CPEB4: variants seen among roughly 807,000 people sequenced by gnomAD.
CPEB4 encodes the protein cytoplasmic polyadenylation element binding protein 4.
CPEB4 carries 12 observed loss-of-function variants against 72.5 expected under a neutral mutation model. The observed-to-expected ratio is 0.17, with a 90% CI of 0.11 to 0.27. The LOEUF is 0.27. Among genes scored for constraint, CPEB4 ranks in the 10% least tolerant of loss-of-function variants. The probability of loss-of-function intolerance (pLI) is 1.00; values close to 1 mark genes in which losing one functional copy is unlikely to be tolerated. For synonymous variants in CPEB4, 302 were observed against 326.3 expected (o/e 0.93, Z 0.80); for missense variants, 614 against 908.5 (o/e 0.68, Z 4.17).
intron 1 of CPEB4, 41 bp from the exon 2 acceptor site, chr5:173,910,482 T>C (rs756069447): frequency 1.5e-6 from 2 of 1,346,022 alleles, no homozygotes; most frequent in African/African-American, 1.4e-5. Context: ...TATATTTAAA[T>C]GCTATTTTAA....
chr5:173,921,887 G>T (rs909152018), intron 2 of CPEB4, among the ~76,000 whole-genome samples: 1 of 152,208 alleles, frequency 6.6e-6, no homozygotes, highest in Non-Finnish European at 1.5e-5. Flanking sequence ...AAGTGAAAGG[G>T]TGCTTACCTC....
chr5:173,889,966 A>T lies in CPEB4; in HGVS notation c.233A>T (p.Glu78Val), dbSNP rs760969236. Residue 78 changes from glutamate to valine, a missense_variant, in exon 1 of 10, where the codon GAA becomes GTA. By Grantham distance (121) the Glu-to-Val change is moderately radical. Around this residue, in one of 5 missense-constraint regions of CPEB4, gnomAD observed 458 missense variants for 548.6 expected, o/e 0.83. Coordinates refer to ENST00000265085, the MANE Select transcript of CPEB4 (RefSeq NM_030627.4). ...HNIQDEILGS[E>V]KAKSQQQEQQ... The stretch of plus-strand genomic sequence containing the variant: ...ATTCAGGATGAGATCTTGGGGTCAG[A>T]AAAAGCAAAAAGTCAGCAACAGGAA... 4.3e-6 allele frequency: 7 copies of T among 1,614,210 alleles called. No individual in the cohort carries two copies. The highest frequency in any genetic ancestry group is 4.2e-6 in the Non-Finnish European group (5 of 1,180,028).
At chr5:173,938,569 A>AC (rs1008830919) in intron 3 of CPEB4, among the ~76,000 whole-genome samples, 1 of 151,918 alleles carries the variant, frequency 6.6e-6, no homozygotes, top group Non-Finnish European at 1.5e-5. Context: ...TCTGAGCTAC[A>AC]CCCCCCTTTT....
At chr5:173,892,561 C>T (rs56146035) in intron 1 of CPEB4, among the ~76,000 whole-genome samples, 1 of 152,106 alleles carries the variant, frequency 6.6e-6, no homozygotes, top group African/African-American at 2.4e-5. Flanking sequence ...TAAGATTTGG[C>T]TCAGAACTAA....
chr5:173,908,544 G>A (rs1176232881), intron 1 of CPEB4, among the ~76,000 whole-genome samples: 1 of 152,194 alleles, frequency 6.6e-6, no homozygotes, highest in Non-Finnish European at 1.5e-5. Flanking sequence ...AAACCACTCA[G>A]CGCACATTAC....
rs1285910188 is a variant in CPEB4 at position 173,960,971 on chromosome 5, C to T, written c.*4834C>T. On this transcript the variant is annotated 3_prime_UTR_variant, in exon 10 of 10. Transcript: ENST00000265085. ...CTTTTAACATAAGGATTTATTATAA[C>T]AAAATATAACACTGAGAATATCCTG... 6.6e-6 allele frequency: 1 copy of T among 152,126 alleles called. No individual in the cohort carries two copies. The highest frequency in any genetic ancestry group is 1.9e-4 in the East Asian group (1 of 5,198). The allele number at this position is 152,126 out of a possible 1,614,324, so 9.4% of individuals were successfully genotyped here.
At position 173,890,834 on chromosome 5, in the gene CPEB4, G is replaced by A. The variant is rs369436700; in HGVS notation, c.1101G>A (p.Arg367=). ...CCTGGATGGAAGATAGCTTGAACAG[G>A]GCTGACAACATTTTTCCTTTTCCGG... The part of the protein sequence containing the change: ...PKSWMEDSLN[R]ADNIFPFPDR... The change falls in exon 1 of 10, where the codon AGG becomes AGA. Residue 367 remains arginine, a synonymous_variant. Transcript: ENST00000265085. 1 of 1,611,066 alleles carries A rather than the reference G, an allele frequency of 6.2e-7. No homozygotes were observed. Among genetic ancestry groups the A allele is most frequent in the African/African-American group, 1.3e-5 (1 of 74,736 alleles).
chr5:173,932,364 A>G, intron 2 of CPEB4, 86 bp from the exon 3 acceptor site: 1 of 970,420 alleles, frequency 1.0e-6, no homozygotes, highest in Non-Finnish European at 1.6e-6. Flanking sequence ...CCTATTTGAA[A>G]GCAAGTCAAT....
At chr5:173,938,822 A>G (rs1207723693) in intron 3 of CPEB4, among the ~76,000 whole-genome samples, 1 of 152,250 alleles carries the variant, frequency 6.6e-6, no homozygotes, top group Admixed American at 6.5e-5. Context: ...CATTTTTAAT[A>G]TTAGTACCAA....
chr5:173,897,930 A>G (rs1050387918), intron 1 of CPEB4, among the ~76,000 whole-genome samples: 6 of 152,200 alleles, frequency 3.9e-5, no homozygotes, highest in African/African-American at 1.4e-4. Context: ...GCAAACTTTA[A>G]CTTGGATAGC....
chr5:173,936,791 T>G, intron 3 of CPEB4, among the ~76,000 whole-genome samples: 1 of 151,432 alleles, frequency 6.6e-6, no homozygotes, highest in Non-Finnish European at 1.5e-5. Flanking sequence ...ACCACCTCTG[T>G]ATAAAAATGC....
In CPEB4 at chr5:173,888,621, A is replaced by G; in HGVS notation, c.-1113A>G. 2.5e-6 allele frequency: 1 copy of G among 400,970 alleles called. No homozygotes were observed. The highest frequency in any genetic ancestry group is 3.5e-5 in the East Asian group (1 of 28,220). 24.8% of individuals were successfully genotyped at this position (400,970 alleles called of 1,614,324 possible). ...GTTTAAAAAAAAATTCTGGGGGAAA[A>G]GAGAGAGAAAGCCGAGGGGGGAGGC... On this transcript the variant is annotated 5_prime_UTR_variant, in exon 1 of 10. Transcript: ENST00000265085. The surrounding 1 kb of genome is among the most constrained non-coding windows in gnomAD (Gnocchi z 4.3).
chr5:173,907,044 G>T (rs764350862), intron 1 of CPEB4, among the ~76,000 whole-genome samples: 2 of 152,126 alleles, frequency 1.3e-5, no homozygotes, highest in African/African-American at 2.4e-5. Flanking sequence ...CAAGGTGGGC[G>T]GATCACAAGG....
rs114034962 is a variant in CPEB4 at position 173,912,882 on chromosome 5, C to T, written c.1207+2278C>T. Among the ~76,000 whole-genome samples the T allele has an allele frequency of 9.6e-3, 1,258 of 130,488 alleles. 8 individuals are homozygous for T. The highest frequency in any genetic ancestry group is 0.013 in the Non-Finnish European group (858 of 64,242). 85.6% of individuals were successfully genotyped at this position (130,488 alleles called of 152,430 possible). A position where few individuals can be genotyped will look rare whatever the true frequency, so the allele number is the denominator to read the frequency against. ...ACTTGGGCCCAGAAGGTTGAGGCTG[C>T]AGTGAGCTGTGTTCCTGCTCTTTAA... On this transcript the variant is annotated intron_variant, in intron 2 of 9. Coordinates refer to ENST00000265085, the MANE Select transcript of CPEB4 (RefSeq NM_030627.4).
Position 173,890,689 on chromosome 5 carries a change from G to A in CPEB4, c.956G>A (p.Arg319Lys), listed in dbSNP as rs1349836597. 6.2e-7 allele frequency: 1 copy of A among 1,614,080 alleles called. No individual in the cohort carries two copies. Among genetic ancestry groups the A allele is most frequent in the African/African-American group, 1.3e-5 (1 of 74,928 alleles). The change falls in exon 1 of 10, where the codon AGA (arginine) becomes AAA (lysine). Residue 319 changes from arginine to lysine, a missense_variant. Physicochemically the swap from Arg to Lys is conservative, Grantham distance 26. This residue lies in a region of CPEB4 where 458 missense variants were observed against 548.6 expected (regional missense o/e 0.83). Transcript: ENST00000265085. ...WGGSQGRDHR[R>K]GLNGGITPLN... ...GGTTCCCAAGGCCGAGATCACCGCA[G>A]AGGGCTGAATGGTGGAATAACGCCC...
At chr5:173,910,950 T>G in intron 2 of CPEB4, 1 of 189,586 alleles carries the variant, frequency 5.3e-6, no homozygotes, top group Non-Finnish European at 1.1e-5. Context: ...CTTATGACAG[T>G]GATTATGTCC....
At chr5:173,896,616 G>A (rs1233926206) in intron 1 of CPEB4, among the ~76,000 whole-genome samples, 3 of 152,180 alleles carry the variant, frequency 2.0e-5, no homozygotes, top group Admixed American at 1.3e-4. Flanking sequence ...GTTTGACTCT[G>A]AATTTGAATG....
In CPEB4 at chr5:173,900,627, T is replaced by C. The variant is rs1458862374; in HGVS notation, c.1125+9769T>C. Among the ~76,000 whole-genome samples, 1 of 152,192 alleles carries C rather than the reference T, an allele frequency of 6.6e-6. No individual in the cohort carries two copies. The highest frequency in any genetic ancestry group is 1.5e-5 in the Non-Finnish European group (1 of 68,032). On this transcript the variant is annotated intron_variant, in intron 1 of 9. Coordinates refer to ENST00000265085, the MANE Select transcript of CPEB4 (RefSeq NM_030627.4). The surrounding 1 kb of genome is among the most constrained non-coding windows in gnomAD (Gnocchi z 4.4). ...TAGGGAGAAGTCTTATACTGATAGT[T>C]TTGGGGTCATAGGTTTGAACATATT...
At chr5:173,907,874 A>G (rs141072042) in intron 1 of CPEB4, among the ~76,000 whole-genome samples, 192 of 152,338 alleles carry the variant, frequency 1.3e-3, no homozygotes, top group Middle Eastern at 3.4e-3. Flanking sequence ...TTGGCGCACC[A>G]TCACCCTGTT....
Sources: gnomAD v4.1 joint callset for allele counts (sites outside exome capture counted in the v4.1 genomes callset) on GRCh38, gnomAD v4.1.1 for gene constraint, gnomAD v4.1.1 regional missense constraint, Gnocchi (gnomAD v3.1) non-coding constraint, MANE v1.5 for transcripts, NCBI Gene and HGNC (gene_info 2026-07-23, HGNC 2026-07-21) for gene names.